NALF1: variants seen among roughly 807,000 people sequenced by gnomAD.
NALF1 encodes NALCN channel auxiliary factor 1.
In NALF1, 3 loss-of-function variants were observed where a neutral mutation model predicts 48.4. That is an observed-to-expected ratio of 0.06 (90% confidence interval 0.03 to 0.16). The LOEUF (loss-of-function observed/expected upper bound fraction) is 0.16. Among genes scored for constraint, NALF1 ranks in the 10% least tolerant of loss-of-function variants. The probability of loss-of-function intolerance (pLI) is 1.00; values close to 1 mark genes in which losing one functional copy is unlikely to be tolerated. For synonymous variants in NALF1, 262 were observed against 245.7 expected (o/e 1.07, Z -0.62); for missense variants, 526 against 571.5 (o/e 0.92, Z 0.81).
chr13:107,686,371 ATTAT>A (rs1176132980), intron 1 of NALF1, among the ~76,000 whole-genome samples: 1 of 113,386 alleles, frequency 8.8e-6, no homozygotes, highest in Non-Finnish European at 1.8e-5. Context: ...AGGTCACATT[ATTAT>A]TTATTTATTA....
At chr13:107,384,508 T>A (rs1883493893) in intron 1 of NALF1, among the ~76,000 whole-genome samples, 4 of 152,158 alleles carry the variant, frequency 2.6e-5, no homozygotes, top group Non-Finnish European at 4.4e-5. Flanking sequence ...GTTTTTTTTA[T>A]TTTTTTGCTT....
chr13:107,695,133 T>G (rs1244916084), intron 1 of NALF1, among the ~76,000 whole-genome samples: 1 of 152,084 alleles, frequency 6.6e-6, no homozygotes, highest in Non-Finnish European at 1.5e-5. Context: ...CTCAACTAAC[T>G]TGAACGTTGA....
chr13:107,719,684 T>C (rs1050434955), intron 1 of NALF1, among the ~76,000 whole-genome samples: 1 of 152,148 alleles, frequency 6.6e-6, no homozygotes, highest in Admixed American at 6.5e-5. Context: ...TTGCTCATAA[T>C]GGTGTGCTAC....
chr13:107,639,346 T>C (rs914115301), intron 1 of NALF1, among the ~76,000 whole-genome samples: 2 of 152,102 alleles, frequency 1.3e-5, no homozygotes, highest in Non-Finnish European at 2.9e-5. Flanking sequence ...CAAACTCACC[T>C]TCCTTTCTCC....
chr13:107,413,949 G>C (rs968361316), intron 1 of NALF1, among the ~76,000 whole-genome samples: 1 of 151,968 alleles, frequency 6.6e-6, no homozygotes, highest in Non-Finnish European at 1.5e-5. Flanking sequence ...ACCACGCCCA[G>C]GTAATTTTTG....
rs1280888381 is a variant in NALF1, at chr13:107,613,906, T to A, written c.915+251776A>T. On this transcript the variant is annotated intron_variant, in intron 1 of 2. Coordinates refer to ENST00000375915, the MANE Select transcript of NALF1 (RefSeq NM_001080396.3). ...TCTATGCAGGTGCTACGTTCATTCC[T>A]TCCTGTTGGCAAGTCACTTAGTTCT... 2.0e-5 allele frequency among the ~76,000 whole-genome samples: 3 copies of A among 152,232 alleles called. No homozygotes were observed. The East Asian group carries it at 5.8e-4, about 29-fold the overall frequency.
chr13:107,574,249 T>C (rs771635315), intron 1 of NALF1, among the ~76,000 whole-genome samples: 4 of 152,176 alleles, frequency 2.6e-5, no homozygotes, highest in Non-Finnish European at 5.9e-5. Flanking sequence ...GAAAAACTAC[T>C]CAAAGAGATT....
intron 1 of NALF1, among the ~76,000 whole-genome samples, chr13:107,417,563 T>C (rs576758727): frequency 1.3e-5 from 2 of 152,310 alleles, no homozygotes; most frequent in Admixed American, 6.5e-5. Flanking sequence ...CTGGCCTAGA[T>C]GTAGACTGTA....
At chr13:107,215,586 C>T (rs7490175) in intron 1 of NALF1, among the ~76,000 whole-genome samples, 52,327 of 151,884 alleles carry the variant, frequency 0.34, 10,104 homozygotes, top group East Asian at 0.55. Flanking sequence ...TTCCTGATTA[C>T]GGGGAGTGAT....
intron 1 of NALF1, among the ~76,000 whole-genome samples, chr13:107,740,651 A>T (rs1252814134): frequency 6.6e-6 from 1 of 152,254 alleles, no homozygotes; most frequent in African/African-American, 2.4e-5. Flanking sequence ...TCAAATTATT[A>T]GTAAGCTAGG....
At chr13:107,302,465 T>G (rs1881856524) in intron 1 of NALF1, among the ~76,000 whole-genome samples, 1 of 152,030 alleles carries the variant, frequency 6.6e-6, no homozygotes, top group African/African-American at 2.4e-5. Context: ...CATGTTTGCT[T>G]GAAGAATTTG....
intron 2 of NALF1, among the ~76,000 whole-genome samples, chr13:107,189,379 A>T (rs1241932402): frequency 6.6e-6 from 1 of 152,224 alleles, no homozygotes; most frequent in East Asian, 1.9e-4. Context: ...CAGAGAAGAA[A>T]AAAATGGACA....
At chr13:107,288,705 C>A (rs1015729899) in intron 1 of NALF1, among the ~76,000 whole-genome samples, 2 of 147,170 alleles carry the variant, frequency 1.4e-5, no homozygotes, top group Non-Finnish European at 3.0e-5. Context: ...CTAATTTTTT[C>A]TAGTTTTAGT....
chr13:107,245,186 G>C (rs768680584), intron 1 of NALF1, among the ~76,000 whole-genome samples: 2 of 152,156 alleles, frequency 1.3e-5, no homozygotes, highest in Non-Finnish European at 2.9e-5. Flanking sequence ...AAGCGACTAA[G>C]TGAACACTAC....
At chr13:107,238,470 G>A (rs1880398721) in intron 1 of NALF1, among the ~76,000 whole-genome samples, 1 of 152,134 alleles carries the variant, frequency 6.6e-6, no homozygotes, top group South Asian at 2.1e-4. Flanking sequence ...GACTGGGGAT[G>A]GCTCCTGCCA....
At chr13:107,602,968 G>T (rs1009502206) in intron 1 of NALF1, among the ~76,000 whole-genome samples, 8 of 152,136 alleles carry the variant, frequency 5.3e-5, no homozygotes, top group Admixed American at 4.6e-4. Context: ...AAACGGACAG[G>T]GCAATTTCGC....
chr13:107,505,015 A>G (rs1875649176), intron 1 of NALF1, among the ~76,000 whole-genome samples: 1 of 152,228 alleles, frequency 6.6e-6, no homozygotes. Flanking sequence ...CAGTGCATAG[A>G]TAGACCAACA....
intron 1 of NALF1, among the ~76,000 whole-genome samples, chr13:107,524,790 A>G (rs1437691412): frequency 1.3e-5 from 2 of 152,266 alleles, no homozygotes; most frequent in Admixed American, 6.5e-5. Context: ...CCTTGGGTTA[A>G]GAAAGGAAAT....
At chr13:107,391,291 T>C (rs1883623056) in intron 1 of NALF1, among the ~76,000 whole-genome samples, 1 of 152,132 alleles carries the variant, frequency 6.6e-6, no homozygotes, top group Non-Finnish European at 1.5e-5. Context: ...TAGGGAGTAA[T>C]GCCCTACAAA....
Sources: allele counts gnomAD v4.1 joint callset (sites outside exome capture counted in the v4.1 genomes callset), GRCh38; gene constraint gnomAD v4.1.1; transcripts MANE v1.5; gene names NCBI Gene and HGNC (gene_info 2026-07-23, HGNC 2026-07-21).